The following SMURF1 variants were observed in gnomAD, a reference collection of about 807,000 sequenced individuals.
SMURF1 encodes SMAD specific E3 ubiquitin protein ligase 1.
A neutral mutation model predicts 98.0 loss-of-function variants in SMURF1; 44 were observed. The observed-to-expected ratio is 0.45, with a 90% CI of 0.35 to 0.58. The LOEUF is 0.58. Ranked by LOEUF, SMURF1 falls within the 20% of genes least tolerant of loss-of-function variation. The pLI is 0.00. For missense variants in SMURF1, 687 were observed against 938.4 expected (o/e 0.73, Z 3.50); for synonymous variants, 396 against 374.9 (o/e 1.06, Z -0.65).
chr7:99,129,931 G>C (rs939782847), intron 1 of SMURF1, among the ~76,000 whole-genome samples: 6 of 152,116 alleles, frequency 3.9e-5, no homozygotes, highest in Non-Finnish European at 7.3e-5. Context: ...CAGATATCAA[G>C]AACAGACATT....
chr7:99,080,362 C>T (rs1191711193), intron 1 of SMURF1, among the ~76,000 whole-genome samples: 2 of 152,182 alleles, frequency 1.3e-5, no homozygotes, highest in Non-Finnish European at 2.9e-5. Context: ...TGCAGCGGCG[C>T]GATCCCGGCT....
At chr7:99,087,326 A>G (rs2150574549) in intron 1 of SMURF1, among the ~76,000 whole-genome samples, 1 of 152,266 alleles carries the variant, frequency 6.6e-6, no homozygotes, top group East Asian at 1.9e-4. Context: ...TCAAAGCTTC[A>G]ATAAGCTATG....
At chr7:99,058,902 T>C (rs578222494) in intron 3 of SMURF1, among the ~76,000 whole-genome samples, 2 of 151,790 alleles carry the variant, frequency 1.3e-5, no homozygotes, top group South Asian at 2.1e-4. Context: ...CTGGCCAACA[T>C]GGTGAAACCC....
intron 15 of SMURF1, chr7:99,036,537 T>A (rs1051097954): frequency 6.6e-6 from 1 of 152,410 alleles, no homozygotes; most frequent in African/African-American, 2.5e-5. Flanking sequence ...CCATCCAAGC[T>A]CTTGGCTCCC....
At position 99,052,530 on chromosome 7, in the gene SMURF1, C is replaced by T; in HGVS notation, c.480-84G>A. The T allele has an allele frequency of 2.3e-6, 3 of 1,328,842 alleles. No homozygotes were observed. In the South Asian group the frequency reaches 6.9e-5, roughly 31 times the overall value. The allele number at this position is 1,328,842 out of a possible 1,614,324, so 82.3% of individuals were successfully genotyped here. A position where few individuals can be genotyped will look rare whatever the true frequency, so the allele number is the denominator to read the frequency against. ...GCCTTAGGGCTAGTGTCCTAGGGGA[C>T]ACCGTCACATAAATTGATTTGCTTT... On this transcript the variant is annotated intron_variant, in intron 6 of 17. Coordinates refer to ENST00000361368, the MANE Select transcript of SMURF1 (RefSeq NM_181349.3).
intron 17 of SMURF1, among the ~76,000 whole-genome samples, chr7:99,031,667 A>G (rs1794893723): frequency 6.6e-6 from 1 of 152,222 alleles, no homozygotes; most frequent in Admixed American, 6.5e-5. Flanking sequence ...TTGGAGCAGG[A>G]CCTTGGCACC....
At chr7:99,137,772 T>G (rs1798027504) in intron 1 of SMURF1, among the ~76,000 whole-genome samples, 1 of 151,400 alleles carries the variant, frequency 6.6e-6, no homozygotes, top group African/African-American at 2.4e-5. Flanking sequence ...TATTTAAGCC[T>G]TGTTTTAAAA....
chr7:99,033,220 C>T (rs1584438247), intron 16 of SMURF1, 99 bp from the exon 17 acceptor site: 4 of 1,177,570 alleles, frequency 3.4e-6, no homozygotes, highest in Non-Finnish European at 3.7e-6. Flanking sequence ...CACATTCCCA[C>T]CCCCACACCC....
At chr7:99,126,505 G>C (rs1295021634) in intron 1 of SMURF1, among the ~76,000 whole-genome samples, 1 of 151,882 alleles carries the variant, frequency 6.6e-6, no homozygotes, top group East Asian at 1.9e-4. Context: ...AAAATGTAAA[G>C]ATCAGCCGGG....
intron 1 of SMURF1, among the ~76,000 whole-genome samples, chr7:99,110,924 C>A (rs968413202): frequency 1.3e-5 from 2 of 152,160 alleles, no homozygotes; most frequent in African/African-American, 4.8e-5. Context: ...AAACAATACA[C>A]AAGTGGTAGA....
At chr7:99,098,971 G>A (rs574094116) in intron 1 of SMURF1, among the ~76,000 whole-genome samples, 21 of 152,260 alleles carry the variant, frequency 1.4e-4, no homozygotes, top group Non-Finnish European at 2.2e-4. Context: ...TGTGAATAGC[G>A]TTATGAAGAC....
intron 1 of SMURF1, among the ~76,000 whole-genome samples, chr7:99,142,912 G>A (rs1350924582): frequency 2.1e-5 from 3 of 141,782 alleles, no homozygotes; most frequent in Admixed American, 7.0e-5. Context: ...CGGAGAGGAT[G>A]GGAAGCGAGG....
chr7:99,048,851 G>C (rs140474097), intron 9 of SMURF1: 1 of 152,282 alleles, frequency 6.6e-6, no homozygotes, highest in Non-Finnish European at 1.5e-5. Flanking sequence ...AGCACTTCGG[G>C]AGGCCAAGGC....
At chr7:99,136,904 G>A (rs1798005403) in intron 1 of SMURF1, among the ~76,000 whole-genome samples, 1 of 152,126 alleles carries the variant, frequency 6.6e-6, no homozygotes, top group South Asian at 2.1e-4. Flanking sequence ...GAGCTGTTAT[G>A]GTGCCACTGC....
At chr7:99,115,650 T>C (rs555408533) in intron 1 of SMURF1, among the ~76,000 whole-genome samples, 60 of 152,246 alleles carry the variant, frequency 3.9e-4, no homozygotes, top group African/African-American at 1.4e-3. Flanking sequence ...AATAATTGTA[T>C]GCCAACAAAT....
At chr7:99,071,145 C>T (rs1796308253) in intron 1 of SMURF1, among the ~76,000 whole-genome samples, 1 of 151,698 alleles carries the variant, frequency 6.6e-6, no homozygotes, top group African/African-American at 2.4e-5. Context: ...TTGCAAACTC[C>T]ACCTCCCAGG....
chr7:99,063,940 T>C (rs957324040), intron 1 of SMURF1, among the ~76,000 whole-genome samples: 5 of 152,022 alleles, frequency 3.3e-5, no homozygotes, highest in Non-Finnish European at 7.4e-5. Flanking sequence ...CCCAGCACAC[T>C]TTGGGAGGCC....
At chr7:99,031,639 T>C (rs1005157635) in intron 17 of SMURF1, among the ~76,000 whole-genome samples, 10 of 152,234 alleles carry the variant, frequency 6.6e-5, no homozygotes, top group African/African-American at 2.4e-4. Context: ...GTTCCCGTAA[T>C]GGACGCCACA....
In SMURF1 at chr7:99,037,057, A is replaced by C; in HGVS notation, c.1809+10T>G. On this transcript the variant is annotated intron_variant, in intron 15 of 17. Coordinates refer to ENST00000361368, the MANE Select transcript of SMURF1 (RefSeq NM_181349.3). Reference sequence around the variant, plus strand: ...ACGCCCTGGGTCGACTCCGCACAGCAGGCACATACCTCCAGTTCCTTCTGG... The same window carrying C: ...ACGCCCTGGGTCGACTCCGCACAGCCGGCACATACCTCCAGTTCCTTCTGG... 1 of 1,613,632 alleles carries C rather than the reference A, an allele frequency of 6.2e-7. No individual in the cohort carries two copies. Among genetic ancestry groups the C allele is most frequent in the Non-Finnish European group, 8.5e-7 (1 of 1,180,010 alleles).
Sources: gnomAD v4.1 joint callset for allele counts (sites outside exome capture counted in the v4.1 genomes callset) on GRCh38, gnomAD v4.1.1 for gene constraint, MANE v1.5 for transcripts, NCBI Gene and HGNC (gene_info 2026-07-23, HGNC 2026-07-21) for gene names.